MALRD1: variants seen among roughly 807,000 people sequenced by gnomAD.
The protein encoded by MALRD1 is MAM and LDL receptor class A domain containing 1, also known as MAM and LDL-receptor class A domain-containing protein 1.
Under a neutral mutation model 242.1 loss-of-function variants are expected in MALRD1, and 247 were observed. The observed-to-expected ratio is 1.02, with a 90% CI of 0.92 to 1.13. MALRD1 has a LOEUF of 1.13. Ranked by LOEUF, MALRD1 falls within the 50% of genes most tolerant of loss-of-function variation. The pLI is 0.00. For synonymous variants in MALRD1, 995 were observed against 866.6 expected, an observed-to-expected ratio of 1.15 and a Z score of -2.60; for missense variants, 2,989 against 2,533.1, an observed-to-expected ratio of 1.18 and a Z score of -3.86.
chr10:19,289,884 C>T (rs1203162469), intron 21 of MALRD1, among the ~76,000 whole-genome samples: 3 of 152,130 alleles, frequency 2.0e-5, no homozygotes, highest in East Asian at 3.9e-4. Flanking sequence ...TCTTTCTTGT[C>T]TCTTTCTCTG....
At chr10:19,598,469 T>A (rs1414187335) in intron 34 of MALRD1, 2 of 151,186 alleles carry the variant, frequency 1.3e-5, no homozygotes, top group African/African-American at 2.4e-5. Flanking sequence ...GTGGTTTTTT[T>A]AATTAAAAAA....
intron 36 of MALRD1, among the ~76,000 whole-genome samples, chr10:19,638,579 TAGA>T (rs1327126071): frequency 2.6e-5 from 4 of 152,208 alleles, no homozygotes; most frequent in Non-Finnish European, 4.4e-5. Flanking sequence ...GTGGAATGTC[TAGA>T]AGAAGTGTTG....
intron 38 of MALRD1, among the ~76,000 whole-genome samples, chr10:19,716,323 T>C (rs1472742726): frequency 6.6e-6 from 1 of 152,138 alleles, no homozygotes; most frequent in African/African-American, 2.4e-5. Flanking sequence ...TTTTCATTAA[T>C]GGATTAGCAC....
intron 32 of MALRD1, 61 bp from the exon 33 acceptor site, chr10:19,567,441 T>G: frequency 7.3e-7 from 1 of 1,360,546 alleles, no homozygotes; most frequent in Non-Finnish European, 1.0e-6. Flanking sequence ...ATCAATCATC[T>G]GGATGTCCTG....
Position 19,257,788 on chromosome 10 carries a change from C to A in MALRD1, c.3079+17C>A. On this transcript the variant is annotated intron_variant, in intron 19 of 39. Coordinates refer to ENST00000454679, the MANE Select transcript of MALRD1 (RefSeq NM_001142308.3). ...TCTACCCTGGTAAGAGAGAACATTT[C>A]AATTTGGGGTTATTTCTAAATCTGT... 1.4e-6 allele frequency: 2 copies of A among 1,434,362 alleles called. No individual in the cohort carries two copies. Among genetic ancestry groups the A allele is most frequent in the African/African-American group, 2.9e-5 (2 of 69,750 alleles). 88.9% of individuals were successfully genotyped at this position (1,434,362 alleles called of 1,614,324 possible).
intron 21 of MALRD1, among the ~76,000 whole-genome samples, chr10:19,321,802 A>G (rs1360029362): frequency 6.6e-6 from 1 of 152,106 alleles, no homozygotes; most frequent in African/African-American, 2.4e-5. Flanking sequence ...CTGGTATCCT[A>G]TGTCAATTAA....
chr10:19,289,011 G>A (rs1841278712), intron 21 of MALRD1, among the ~76,000 whole-genome samples: 1 of 151,852 alleles, frequency 6.6e-6, no homozygotes, highest in Non-Finnish European at 1.5e-5. Context: ...GTTCTATTAA[G>A]ATGGCTCCAG....
chr10:19,204,683 C>T (rs1182069703), intron 16 of MALRD1, among the ~76,000 whole-genome samples: 1 of 152,142 alleles, frequency 6.6e-6, no homozygotes, highest in Non-Finnish European at 1.5e-5. Context: ...ATGTACTGAG[C>T]TCCTTGAGAC....
chr10:19,671,947 T>C (rs985112798), intron 36 of MALRD1, among the ~76,000 whole-genome samples: 1 of 152,124 alleles, frequency 6.6e-6, no homozygotes, highest in Non-Finnish European at 1.5e-5. Flanking sequence ...TTTCATTTTT[T>C]CTTTTTTCCA....
chr10:19,451,288 A>C (rs943225245), intron 29 of MALRD1, among the ~76,000 whole-genome samples: 3 of 152,206 alleles, frequency 2.0e-5, no homozygotes, highest in African/African-American at 7.2e-5. Context: ...ATTGAAGCAG[A>C]AATTGAGCTG....
At chr10:19,315,570 TA>T (rs1179680445) in intron 21 of MALRD1, among the ~76,000 whole-genome samples, 1 of 124,980 alleles carries the variant, frequency 8.0e-6, no homozygotes, top group African/African-American at 3.3e-5. Flanking sequence ...TTTATATAAA[TA>T]TATAAATTAT....
intron 14 of MALRD1, among the ~76,000 whole-genome samples, chr10:19,190,281 C>T (rs1564454846): frequency 6.6e-6 from 1 of 151,852 alleles, no homozygotes; most frequent in South Asian, 2.1e-4. Flanking sequence ...AAATAAAAAA[C>T]ATTTCTGAAA....
intron 24 of MALRD1, among the ~76,000 whole-genome samples, chr10:19,331,908 C>T (rs1253680629): frequency 6.6e-6 from 1 of 152,140 alleles, no homozygotes; most frequent in African/African-American, 2.4e-5. Context: ...CACTCTGTTG[C>T]AGGATGGAGT....
chr10:19,563,423 G>T (rs955464230), intron 32 of MALRD1, among the ~76,000 whole-genome samples: 1 of 152,126 alleles, frequency 6.6e-6, no homozygotes, highest in African/African-American at 2.4e-5. Flanking sequence ...TGATTAAGCA[G>T]TAACTCACTT....
At chr10:19,719,240 ATATATATATATATATATATG>A (rs1834618562) in intron 38 of MALRD1, among the ~76,000 whole-genome samples, 1 of 130,258 alleles carries the variant, frequency 7.7e-6, no homozygotes, top group Non-Finnish European at 1.6e-5. Flanking sequence ...ATATATATAT[ATATATATATATATATATATG>A]CTATCAAATA....
chr10:19,418,416 A>G (rs1833593021), intron 28 of MALRD1, among the ~76,000 whole-genome samples: 1 of 152,142 alleles, frequency 6.6e-6, no homozygotes, highest in Admixed American at 6.6e-5. Flanking sequence ...ATTTCAGCAT[A>G]CGTTTTTTGG....
At chr10:19,176,983 A>G (rs1175736531) in intron 14 of MALRD1, among the ~76,000 whole-genome samples, 1 of 152,006 alleles carries the variant, frequency 6.6e-6, no homozygotes. Context: ...TCATTTAAAG[A>G]TTCATGAGTT....
intron 22 of MALRD1, among the ~76,000 whole-genome samples, chr10:19,326,607 C>T (rs1843145018): frequency 6.6e-6 from 1 of 151,328 alleles, no homozygotes; most frequent in Admixed American, 6.6e-5. Context: ...GATAATGTTC[C>T]AAATTAATTT....
chr10:19,373,270 G>GGCCGA (rs201165637), intron 26 of MALRD1, among the ~76,000 whole-genome samples: 115,373 of 147,630 alleles, frequency 0.78, 45,709 homozygotes, highest in African/African-American at 0.9. Flanking sequence ...CACTTTGGGA[G>GGCCGA]GGCGGACGGA....
Sources: gnomAD v4.1 joint callset for allele counts (sites outside exome capture counted in the v4.1 genomes callset) on GRCh38, gnomAD v4.1.1 for gene constraint, MANE v1.5 for transcripts, NCBI Gene and HGNC (gene_info 2026-07-23, HGNC 2026-07-21) for gene names.